The following KLHL29 variants were observed in gnomAD, a reference collection of about 807,000 sequenced individuals.
The protein encoded by KLHL29 is kelch-like protein 29.
Under a neutral mutation model 80.4 loss-of-function variants are expected in KLHL29, and 21 were observed. The ratio of observed to expected loss-of-function variants is 0.26; its 90% CI spans 0.19 to 0.38. KLHL29 has a LOEUF of 0.38. Ranked by LOEUF, KLHL29 falls within the 10% of genes least tolerant of loss-of-function variation. The pLI is 1.00. For missense variants in KLHL29, 867 were observed against 1,223.9 expected (o/e 0.71, Z 4.35); for synonymous variants, 511 against 526.8 (o/e 0.97, Z 0.41).
chr2:23,660,905 C>T (rs572985286), intron 5 of KLHL29, among the ~76,000 whole-genome samples: 4 of 152,170 alleles, frequency 2.6e-5, no homozygotes, highest in Non-Finnish European at 5.9e-5. Flanking sequence ...GTGGCAGGCG[C>T]CTGTAATCCC....
intron 1 of KLHL29, 74 bp from the exon 2 acceptor site, chr2:23,475,483 CAAA>C (rs111621976): frequency 5.3e-5 from 7 of 131,688 alleles, no homozygotes; most frequent in Non-Finnish European, 1.7e-5. Flanking sequence ...CATCTTTTTG[CAAA>C]AAAAAAAAAA....
intron 3 of KLHL29, among the ~76,000 whole-genome samples, chr2:23,620,122 T>C (rs901668230): frequency 2.0e-5 from 3 of 151,972 alleles, no homozygotes; most frequent in Non-Finnish European, 4.4e-5. Flanking sequence ...GGGGGCCCAG[T>C]GGACACACAG....
rs1667445069 is a variant in KLHL29 at position 23,561,458 on chromosome 2, C to G, written c.-45-694C>G. On this transcript the variant is annotated intron_variant, in intron 2 of 13. Transcript: ENST00000486442. ...GGGTACTCCGGGTCTCTGATGCCGC[C>G]CGAGATCAAATCATAGGGCTGTGAT... Among the ~76,000 whole-genome samples, 5 of 152,196 alleles carry G rather than the reference C, an allele frequency of 3.3e-5. No individual in the cohort carries two copies. In the South Asian group the frequency reaches 1.0e-3, roughly 32 times the overall value.
chr2:23,539,952 A>G (rs954849966), intron 2 of KLHL29, among the ~76,000 whole-genome samples: 1 of 152,134 alleles, frequency 6.6e-6, no homozygotes, highest in African/African-American at 2.4e-5. Context: ...GTTCCACCTC[A>G]GACCTCCATC....
At chr2:23,601,784 T>C (rs1325640948) in intron 3 of KLHL29, among the ~76,000 whole-genome samples, 1 of 152,340 alleles carries the variant, frequency 6.6e-6, no homozygotes, top group African/African-American at 2.4e-5. Flanking sequence ...TGACATGATC[T>C]TGTCTGATGG....
At chr2:23,546,787 G>A (rs1270718855) in intron 2 of KLHL29, among the ~76,000 whole-genome samples, 1 of 152,228 alleles carries the variant, frequency 6.6e-6, no homozygotes, top group African/African-American at 2.4e-5. Flanking sequence ...GGGACACCAA[G>A]GCTGTGCCTG....
chr2:23,658,634 TG>T (rs1670313645), intron 5 of KLHL29, among the ~76,000 whole-genome samples: 1 of 152,190 alleles, frequency 6.6e-6, no homozygotes, highest in Non-Finnish European at 1.5e-5. Context: ...AGGTGAATGA[TG>T]AGCCAGTCAG....
intron 1 of KLHL29, among the ~76,000 whole-genome samples, chr2:23,463,858 A>G (rs11903458): frequency 0.1 from 15,593 of 152,216 alleles, 1,615 homozygotes; most frequent in East Asian, 0.3. Context: ...CACTATTGCT[A>G]CTATTAATGT....
At position 23,682,074 on chromosome 2, in the gene KLHL29, C is replaced by T. The variant is rs1671099960; in HGVS notation, c.941-2325C>T. Among the ~76,000 whole-genome samples, 1 of 152,128 alleles carries T rather than the reference C, an allele frequency of 6.6e-6. No homozygotes were observed. ...TCCCTCCCTTCCTGATGTCCCACCA[C>T]CATCCCCTCCAAAAACCTGTTAGTG... On this transcript the variant is annotated intron_variant, in intron 5 of 13. Coordinates refer to ENST00000486442, the MANE Select transcript of KLHL29 (RefSeq NM_052920.2). The surrounding 1 kb of genome is among the most constrained non-coding windows in gnomAD (Gnocchi z 4.1).
At chr2:23,609,970 G>A (rs1037181439) in intron 3 of KLHL29, among the ~76,000 whole-genome samples, 5 of 152,136 alleles carry the variant, frequency 3.3e-5, no homozygotes, top group Admixed American at 6.5e-5. Context: ...ATGGGGGTAC[G>A]GGAGGTCCAT....
At chr2:23,576,360 C>T (rs907352832) in intron 3 of KLHL29, among the ~76,000 whole-genome samples, 26 of 150,336 alleles carry the variant, frequency 1.7e-4, no homozygotes, top group African/African-American at 5.9e-4. Context: ...TATTCTTCCA[C>T]GATATTAGGC....
chr2:23,594,574 C>A (rs1668351463), intron 3 of KLHL29, among the ~76,000 whole-genome samples: 1 of 152,244 alleles, frequency 6.6e-6, no homozygotes, highest in East Asian at 1.9e-4. Context: ...CCCCTGATTT[C>A]AGCCTCCAGG....
intron 2 of KLHL29, chr2:23,532,617 G>C (rs1248816925): frequency 1.3e-5 from 6 of 456,628 alleles, no homozygotes; most frequent in Non-Finnish European, 2.6e-5. Context: ...GGAGTGACAA[G>C]ATTGTAAGAT....
chr2:23,458,241 A>T (rs957055914), intron 1 of KLHL29, among the ~76,000 whole-genome samples: 3 of 152,188 alleles, frequency 2.0e-5, no homozygotes, highest in Non-Finnish European at 4.4e-5. Flanking sequence ...ACACATTTGT[A>T]TTGAATGTCT....
intron 11 of KLHL29, among the ~76,000 whole-genome samples, chr2:23,698,626 GAC>G (rs1334266903): frequency 1.3e-5 from 2 of 152,134 alleles, no homozygotes; most frequent in Non-Finnish European, 2.9e-5. Flanking sequence ...TATAGATTAA[GAC>G]AACAGCACAA....
chr2:23,572,766 T>C (rs1667746373), intron 3 of KLHL29, among the ~76,000 whole-genome samples: 1 of 151,116 alleles, frequency 6.6e-6, no homozygotes, highest in African/African-American at 2.4e-5. Flanking sequence ...AGTGGCACGA[T>C]CTCAGCTCAC....
chr2:23,670,993 CCT>C (rs1558433017), intron 5 of KLHL29, among the ~76,000 whole-genome samples: 4 of 71,974 alleles, frequency 5.6e-5, no homozygotes. Context: ...TCCCTCCCTC[CCT>C]CCCTCCCCCC....
At chr2:23,510,570 G>C (rs964322997) in intron 2 of KLHL29, among the ~76,000 whole-genome samples, 2 of 152,178 alleles carry the variant, frequency 1.3e-5, no homozygotes, top group African/African-American at 4.8e-5. Context: ...TGCCCACAGG[G>C]TCCCCCGATT....
intron 3 of KLHL29, among the ~76,000 whole-genome samples, chr2:23,614,944 C>T (rs1319573566): frequency 6.6e-6 from 1 of 152,212 alleles, no homozygotes; most frequent in Non-Finnish European, 1.5e-5. Flanking sequence ...TGTGCTGCTC[C>T]CTGCAGCCCC....
Sources: gnomAD v4.1 joint callset for allele counts (sites outside exome capture counted in the v4.1 genomes callset) on GRCh38, gnomAD v4.1.1 for gene constraint, Gnocchi (gnomAD v3.1) non-coding constraint, MANE v1.5 for transcripts, NCBI Gene and HGNC (gene_info 2026-07-23, HGNC 2026-07-21) for gene names.